The following SLC4A8 variants were observed in gnomAD, a reference collection of about 807,000 sequenced individuals.
SLC4A8 encodes solute carrier family 4 member 8.
SLC4A8 carries 40 observed loss-of-function variants against 125.0 expected under a neutral mutation model. The observed-to-expected ratio is 0.32, with a 90% CI of 0.25 to 0.42. The LOEUF is 0.42. Ranked by LOEUF, SLC4A8 falls within the 10% of genes least tolerant of loss-of-function variation. SLC4A8 has a pLI of 1.00. For synonymous variants in SLC4A8, 456 were observed against 476.0 expected (o/e 0.96, Z 0.55); for missense variants, 863 against 1,355.1 (o/e 0.64, Z 5.70).
In SLC4A8 at chr12:51,491,737, G is replaced by GCACACA. The variant is rs371323026; in HGVS notation, c.2700+1788_2700+1789insCACACA. On this transcript the variant is annotated intron_variant, in intron 19 of 24. Transcript: ENST00000453097. ...TTCCTCCACCCCTGTCTGGGGATGG[G>GCACACA]CAGACACACACACACACACACACAC... is the stretch of plus-strand genomic sequence containing the variant. 8.9e-3 allele frequency among the ~76,000 whole-genome samples: 1,135 copies of GCACACA among 126,906 alleles called. 10 individuals are homozygous for GCACACA. The highest frequency in any genetic ancestry group is 0.019 in the East Asian group (77 of 4,134). The allele number at this position is 126,906 out of a possible 152,430, so 83.3% of individuals were successfully genotyped here.
intron 1 of SLC4A8, among the ~76,000 whole-genome samples, chr12:51,433,884 G>GTTTTTTTTTTTTTTTTTTTTTTTTTTTTT (rs1565772495): frequency 2.8e-5 from 2 of 72,204 alleles, no homozygotes; most frequent in Non-Finnish European, 2.8e-5. Flanking sequence ...TTTTTGGTTG[G>GTTTTTTTTTTTTTTTTTTTTTTTTTTTTT]TTTTTTTTTG....
chr12:51,393,807 A>T (rs1291798138), intron 1 of SLC4A8, among the ~76,000 whole-genome samples: 1 of 152,146 alleles, frequency 6.6e-6, no homozygotes, highest in Non-Finnish European at 1.5e-5. Context: ...GCTCCTAGAG[A>T]GACTTTCTAC....
chr12:51,501,717 T>C (rs1280092007), intron 22 of SLC4A8: 1 of 152,224 alleles, frequency 6.6e-6, no homozygotes, highest in Non-Finnish European at 1.5e-5. Context: ...TTTTAGTTCT[T>C]TGAGAAATCT....
intron 1 of SLC4A8, among the ~76,000 whole-genome samples, chr12:51,439,838 A>G (rs1171524415): frequency 6.6e-6 from 1 of 152,182 alleles, no homozygotes; most frequent in Non-Finnish European, 1.5e-5. Context: ...TGATGGTGCC[A>G]TTGGTAGGAA....
intron 1 of SLC4A8, among the ~76,000 whole-genome samples, chr12:51,399,657 C>G (rs1948332829): frequency 6.6e-6 from 1 of 152,174 alleles, no homozygotes; most frequent in African/African-American, 2.4e-5. Context: ...TGAATCCTGA[C>G]TCTTCCAGCT....
At chr12:51,501,607 C>A (rs1178199304) in intron 22 of SLC4A8, among the ~76,000 whole-genome samples, 1 of 152,182 alleles carries the variant, frequency 6.6e-6, no homozygotes, top group Non-Finnish European at 1.5e-5. Flanking sequence ...AATAGTGCTG[C>A]AATAAATATA....
At position 51,488,850 on chromosome 12, in the gene SLC4A8, A is replaced by G. The variant is rs1292383880; in HGVS notation, c.2438A>G (p.His813Arg). The G allele has an allele frequency of 6.2e-7, 1 of 1,612,980 alleles. No homozygotes were observed. The highest frequency in any genetic ancestry group is 1.7e-5 in the Admixed American group (1 of 59,810). ...GCCGTCATTATTAACAGGAAGGAAC[A>G]TAAGCTCAAGGTAAAAAGAGGTTCT... ...ITAVIINRKE[H>R]KLKKGCGYHL... The change falls in exon 18 of 25, where the codon CAT becomes CGT. Residue 813 changes from histidine (H) to arginine (R), a missense_variant. By Grantham distance (29) the His-to-Arg change is conservative (BLOSUM62 0). Transcript: ENST00000453097.
chr12:51,434,144 G>T (rs1302551396), intron 1 of SLC4A8, among the ~76,000 whole-genome samples: 1 of 151,862 alleles, frequency 6.6e-6, no homozygotes, highest in Non-Finnish European at 1.5e-5. Context: ...CAAAGCTCTG[G>T]GGTTATAGGC....
At chr12:51,465,649 GCT>G (rs1565797329) in intron 11 of SLC4A8, among the ~76,000 whole-genome samples, 3 of 152,194 alleles carry the variant, frequency 2.0e-5, no homozygotes, top group African/African-American at 4.8e-5. Context: ...TGGGCTCAGA[GCT>G]TAGCTCTGCT....
intron 10 of SLC4A8, 200 bp downstream of exon 10, chr12:51,462,656 G>A (rs745500187): frequency 1.9e-5 from 7 of 359,516 alleles, no homozygotes; most frequent in Admixed American, 1.8e-4. Context: ...ACTTTGGGAC[G>A]CCGAGGCAGG....
intron 14 of SLC4A8, among the ~76,000 whole-genome samples, chr12:51,472,029 C>G (rs148063178): frequency 6.6e-6 from 1 of 152,312 alleles, no homozygotes; most frequent in East Asian, 1.9e-4. Flanking sequence ...AAGTGTCTCA[C>G]ACTGTATCAT....
intron 14 of SLC4A8, 94 bp downstream of exon 14, chr12:51,471,626 T>G: frequency 7.3e-7 from 1 of 1,376,322 alleles, no homozygotes; most frequent in Non-Finnish European, 1.0e-6. Context: ...CAGCTTCTGG[T>G]CAAGAAGTGT....
chr12:51,494,706 G>T, intron 20 of SLC4A8: 1 of 407,194 alleles, frequency 2.5e-6, no homozygotes, highest in Non-Finnish European at 4.4e-6. Flanking sequence ...ACACAGTGTG[G>T]GATAAGAGAA....
At chr12:51,497,483 T>C (rs563457115) in intron 22 of SLC4A8, 4 of 178,980 alleles carry the variant, frequency 2.2e-5, no homozygotes, top group Admixed American at 5.4e-5. Flanking sequence ...GTTTGTAATA[T>C]ATCTAATTGC....
At chr12:51,506,646 C>G (rs1938184854) in intron 24 of SLC4A8, among the ~76,000 whole-genome samples, 1 of 152,176 alleles carries the variant, frequency 6.6e-6, no homozygotes, top group South Asian at 2.1e-4. Flanking sequence ...GTTGCCCAGG[C>G]TGGTCTGGAA....
chr12:51,471,292 A>G lies in SLC4A8; in HGVS notation c.1664A>G (p.Tyr555Cys). Residue 555 changes from tyrosine to cysteine, a missense_variant, in exon 14 of 25, where the codon TAT (tyrosine) becomes TGT (cysteine). By Grantham distance (194) the Tyr-to-Cys change is radical (BLOSUM62 -2). Transcript: ENST00000453097. Reference protein sequence around the residue: ...EKILFKFCKDYALSYLSLRAC... With the variant: ...EKILFKFCKDCALSYLSLRAC... ...GAACTTTGGTCTTGTTTCAGAGACT[A>G]TGCTCTTTCATACCTCTCCCTGCGA... is the stretch of plus-strand genomic sequence containing the variant. The G allele has an allele frequency of 1.2e-6, 2 of 1,611,054 alleles. No individual in the cohort carries two copies. The highest frequency in any genetic ancestry group is 1.7e-6 in the Non-Finnish European group (2 of 1,179,796).
chr12:51,408,659 C>T (rs1948540031), intron 1 of SLC4A8, among the ~76,000 whole-genome samples: 1 of 152,178 alleles, frequency 6.6e-6, no homozygotes, highest in Non-Finnish European at 1.5e-5. Context: ...CCTCTTTCTG[C>T]TTGGTGACCC....
intron 22 of SLC4A8, among the ~76,000 whole-genome samples, chr12:51,500,824 C>G (rs1172070807): frequency 6.7e-6 from 1 of 150,350 alleles, no homozygotes; most frequent in East Asian, 1.9e-4. Context: ...GTAGTCGGGA[C>G]TACAGGCTCT....
chr12:51,467,991 A>G (rs976753453), intron 11 of SLC4A8, among the ~76,000 whole-genome samples: 3 of 152,166 alleles, frequency 2.0e-5, no homozygotes, highest in Non-Finnish European at 4.4e-5. Context: ...TTTAGAGTTC[A>G]TTTGTTTGAC....
Sources: allele counts gnomAD v4.1 joint callset (sites outside exome capture counted in the v4.1 genomes callset), GRCh38; gene constraint gnomAD v4.1.1; transcripts MANE v1.5; gene names NCBI Gene and HGNC (gene_info 2026-07-23, HGNC 2026-07-21).